INPP5K: variants seen among roughly 807,000 people sequenced by gnomAD.
INPP5K encodes inositol polyphosphate 5-phosphatase K.
Under a neutral mutation model 53.5 loss-of-function variants are expected in INPP5K, and 35 were observed. The observed-to-expected ratio is 0.65, with a 90% CI of 0.50 to 0.87. INPP5K has a LOEUF of 0.87. Ranked by LOEUF, INPP5K falls within the 40% of genes least tolerant of loss-of-function variation. The pLI is 0.00. For missense variants in INPP5K, 550 were observed against 586.2 expected, an observed-to-expected ratio of 0.94 and a Z score of 0.64; for synonymous variants, 253 against 232.8, an observed-to-expected ratio of 1.09 and a Z score of -0.79.
intron 1 of INPP5K, chr17:1,516,243 C>G: frequency 1.2e-6 from 1 of 858,598 alleles, no homozygotes; most frequent in Non-Finnish European, 1.7e-6. Context: ...ACCTGCTGCG[C>G]CCCAGTGGGA....
chr17:1,507,384 C>T (rs942299835), intron 6 of INPP5K: 4 of 373,542 alleles, frequency 1.1e-5, no homozygotes, highest in Non-Finnish European at 1.9e-5. Context: ...CACTAGCAGA[C>T]ATGTGTCAGA....
Position 1,507,101 on chromosome 17 carries a change from G to A in INPP5K, c.667-12C>T. On this transcript the variant is annotated splice_polypyrimidine_tract_variant and intron_variant, in intron 6 of 11. Transcript: ENST00000421807. ...TTGGCAATGCTGAGCTGCAGACAAA[G>A]TCATAGTCCCCGTCTCCCAGTAGTC... 1 of 1,608,788 alleles carries A rather than the reference G, an allele frequency of 6.2e-7. No individual in the cohort carries two copies. Among genetic ancestry groups the A allele is most frequent in the East Asian group, 2.2e-5 (1 of 44,844 alleles).
intron 7 of INPP5K, among the ~76,000 whole-genome samples, chr17:1,499,019 G>A (rs1311190219): frequency 6.6e-6 from 1 of 152,204 alleles, no homozygotes; most frequent in East Asian, 1.9e-4. Context: ...CATGACCACA[G>A]AGCATGTGCT....
chr17:1,514,905 C>CT (rs774754833), intron 1 of INPP5K, among the ~76,000 whole-genome samples: 7,744 of 134,426 alleles, frequency 0.058, 770 homozygotes, highest in African/African-American at 0.18. Flanking sequence ...TTCAGCGAGA[C>CT]TTTTTTTTTT....
chr17:1,510,576 C>T (rs1398988457), intron 3 of INPP5K: 1 of 152,222 alleles, frequency 6.6e-6, no homozygotes, highest in Non-Finnish European at 1.5e-5. Context: ...TTATCCCCTT[C>T]CCTTCCTCCC....
At chr17:1,513,596 C>G in intron 2 of INPP5K, 35 bp from the exon 3 acceptor site, 1 of 1,538,978 alleles carries the variant, frequency 6.5e-7, no homozygotes, top group Non-Finnish European at 9.0e-7. Flanking sequence ...GGCCCCTGGC[C>G]TCCAGGCTAC....
At chr17:1,503,844 G>A (rs2150984769) in intron 7 of INPP5K, among the ~76,000 whole-genome samples, 1 of 152,268 alleles carries the variant, frequency 6.6e-6, no homozygotes, top group East Asian at 1.9e-4. Flanking sequence ...AAGGGAGCTG[G>A]CCTCGTTTCT....
chr17:1,508,144 A>G lies in INPP5K; in HGVS notation c.637T>C (p.Cys213Arg). The change falls in exon 6 of 12, where the codon TGC (cysteine) becomes CGC (arginine). Residue 213 changes from cysteine (C) to arginine (R), a missense_variant. Transcript: ENST00000421807. ...HFVRESIKNR[C>R]YGGLWEKDQL... ...TCCTTCTCCCACAGGCCACCGTAGC[A>G]CCGATTTTTAATGGATTCCCGAACA... The G allele has an allele frequency of 2.5e-6, 4 of 1,613,980 alleles. No homozygotes were observed. The highest frequency in any genetic ancestry group is 3.4e-6 in the Non-Finnish European group (4 of 1,179,920).
At chr17:1,509,016 G>A (rs2075237019) in intron 5 of INPP5K, 162 bp downstream of exon 5, 2 of 632,128 alleles carry the variant, frequency 3.2e-6, no homozygotes, top group Admixed American at 4.8e-5. Context: ...GGTCAGCGTG[G>A]GGCAGAGGGC....
Position 1,509,165 on chromosome 17 carries a change from G to T in INPP5K, c.554+13C>A. 6.2e-7 allele frequency: 1 copy of T among 1,608,184 alleles called. No individual in the cohort carries two copies. ...GCAGAGGGCGGGGAACGGTCTGCCA[G>T]ACCCAGGCTCACTCGTGGTCCAGGA... On this transcript the variant is annotated intron_variant, in intron 5 of 11. Transcript: ENST00000421807.
At chr17:1,514,858 T>C (rs2150995573) in intron 1 of INPP5K, among the ~76,000 whole-genome samples, 1 of 151,212 alleles carries the variant, frequency 6.6e-6, no homozygotes, top group East Asian at 1.9e-4. Context: ...CTCTCCTCCC[T>C]AGCAGATCCC....
At chr17:1,499,194 A>G (rs987858356) in intron 7 of INPP5K, among the ~76,000 whole-genome samples, 1 of 152,206 alleles carries the variant, frequency 6.6e-6, no homozygotes, top group Admixed American at 6.5e-5. Flanking sequence ...CGCCATGCAC[A>G]CTGGCCTTTA....
At chr17:1,505,106 A>G (rs548543840) in intron 7 of INPP5K, among the ~76,000 whole-genome samples, 19 of 152,266 alleles carry the variant, frequency 1.2e-4, no homozygotes, top group African/African-American at 4.3e-4. Context: ...AGGGCCTGCC[A>G]GCAGCTCTCT....
chr17:1,509,188 G>A lies in INPP5K; in HGVS notation c.544C>T (p.Leu182=), dbSNP rs1222018030. ...NCEGRDIPNI[L]DHDLIIWFGD... ...CAGACCCAGGCTCACTCGTGGTCCA[G>A]GATGTTTGGGATGTCTCGCCCCTCA... Residue 182 remains leucine (L), a synonymous_variant, in exon 5 of 12, where the codon CTG becomes TTG. Coordinates refer to ENST00000421807, the MANE Select transcript of INPP5K (RefSeq NM_016532.4). The A allele has an allele frequency of 4.3e-6, 7 of 1,613,062 alleles. No individual in the cohort carries two copies. Among genetic ancestry groups the A allele is most frequent in the South Asian group, 3.3e-5 (3 of 91,024 alleles).
At chr17:1,506,664 C>T (rs1203138193) in intron 7 of INPP5K, among the ~76,000 whole-genome samples, 7 of 152,274 alleles carry the variant, frequency 4.6e-5, no homozygotes, top group Non-Finnish European at 8.8e-5. Flanking sequence ...TGGGGTTTCC[C>T]GAAGCTGAAG....
chr17:1,506,133 C>A (rs1268698268), intron 7 of INPP5K, among the ~76,000 whole-genome samples: 1 of 152,180 alleles, frequency 6.6e-6, no homozygotes, highest in South Asian at 2.1e-4. Context: ...AAGCAATTCT[C>A]CTGCCTCAGC....
At chr17:1,499,524 C>CA (rs2074951597) in intron 7 of INPP5K, among the ~76,000 whole-genome samples, 2 of 152,298 alleles carry the variant, frequency 1.3e-5, no homozygotes, top group African/African-American at 4.8e-5. Flanking sequence ...AGAGACCTCC[C>CA]ACCTGTTCTT....
intron 1 of INPP5K, among the ~76,000 whole-genome samples, chr17:1,514,285 T>G (rs2075381084): frequency 6.8e-6 from 1 of 146,114 alleles, no homozygotes; most frequent in Non-Finnish European, 1.5e-5. Flanking sequence ...ATTGTGCCAC[T>G]GCACTCCAGC....
chr17:1,510,121 T>A (rs1296060250), intron 3 of INPP5K, among the ~76,000 whole-genome samples: 1 of 152,268 alleles, frequency 6.6e-6, no homozygotes, highest in African/African-American at 2.4e-5. Context: ...GTATTTGACA[T>A]TGAGGCAGTT....
Sources: gnomAD v4.1 joint callset for allele counts (sites outside exome capture counted in the v4.1 genomes callset) on GRCh38, gnomAD v4.1.1 for gene constraint, MANE v1.5 for transcripts, NCBI Gene and HGNC (gene_info 2026-07-23, HGNC 2026-07-21) for gene names.